Variants in NDUFS6 observed in about 807,000 individuals in gnomAD.
NDUFS6 encodes the protein NADH:ubiquinone oxidoreductase subunit S6, also known as NADH dehydrogenase [ubiquinone] iron-sulfur protein 6, mitochondrial.
NDUFS6 carries 14 observed loss-of-function variants against 13.2 expected under a neutral mutation model. The observed-to-expected ratio is 1.06, with a 90% confidence interval of 0.70 to 1.66. The LOEUF is 1.66. Ranked by LOEUF, NDUFS6 falls within the 40% of genes most tolerant of loss-of-function variation. The probability of loss-of-function intolerance (pLI) is 0.00; values close to 1 mark genes in which losing one functional copy is unlikely to be tolerated. For missense variants in NDUFS6, 206 were observed against 170.8 expected, an observed-to-expected ratio of 1.21 and a Z score of -1.15; for synonymous variants, 95 against 72.3, an observed-to-expected ratio of 1.31 and a Z score of -1.60.
intron 2 of NDUFS6, among the ~76,000 whole-genome samples, chr5:1,810,080 C>T (rs2087388088): frequency 6.6e-6 from 1 of 151,540 alleles, no homozygotes; most frequent in African/African-American, 2.4e-5. Context: ...CCTCCCACTG[C>T]GTGTGTGTTC....
chr5:1,813,841 T>C (rs1468615634), intron 2 of NDUFS6, among the ~76,000 whole-genome samples: 1 of 152,226 alleles, frequency 6.6e-6, no homozygotes, highest in African/African-American at 2.4e-5. Context: ...ATTGTTGGTC[T>C]AACGGATTGC....
Position 1,815,894 on chromosome 5 carries a change from A to T in NDUFS6, c.353A>T (p.Gln118Leu). The change falls in exon 4 of 4, where the codon CAG (glutamine) becomes CTG (leucine). Residue 118 changes from glutamine (Q) to leucine (L), a missense_variant. Gln to Leu is a moderately radical substitution (Grantham distance 113). Transcript: ENST00000274137. ...GGCACATGCGGTTACTGTGGGCTCCAGTTCAGACAGCACCACCACTAGAGC... is the reference window on the plus strand; with the variant it reads ...GGCACATGCGGTTACTGTGGGCTCCTGTTCAGACAGCACCACCACTAGAGC... ...KTGTCGYCGL[Q>L]FRQHHH is the part of the protein sequence containing the mutation. 6.2e-7 allele frequency: 1 copy of T among 1,614,256 alleles called. No individual in the cohort carries two copies. Among genetic ancestry groups the T allele is most frequent in the Admixed American group, 1.7e-5 (1 of 60,032 alleles).
rs1370151263 is a variant in NDUFS6, at chr5:1,814,546, T to C, written c.309+85T>C. ...TCACTCCCAGTGCCTGTTCTTTCTG[T>C]CCTCTTCTCTACCTGCTCCCGAGGC... On this transcript the variant is annotated intron_variant, in intron 3 of 3. Coordinates refer to ENST00000274137, the MANE Select transcript of NDUFS6 (RefSeq NM_004553.6). This position sits in a 1 kb window ranked among gnomAD's most constrained non-coding sequence, Gnocchi z 4.9. 4.4e-6 allele frequency: 7 copies of C among 1,600,174 alleles called. No individual in the cohort carries two copies. Among genetic ancestry groups the C allele is most frequent in the Non-Finnish European group, 6.0e-6 (7 of 1,171,258 alleles).
intron 2 of NDUFS6, among the ~76,000 whole-genome samples, chr5:1,811,382 A>G (rs1734217523): frequency 1.3e-5 from 2 of 152,262 alleles, no homozygotes; most frequent in East Asian, 1.9e-4. Context: ...AACAAAATAT[A>G]TTAACATGAC....
intron 2 of NDUFS6, among the ~76,000 whole-genome samples, chr5:1,807,207 G>C (rs1243857049): frequency 5.3e-5 from 1 of 18,766 alleles, no homozygotes; most frequent in Non-Finnish European, 1.2e-4. Flanking sequence ...TGTGAACACT[G>C]TGTGATTCCT....
At chr5:1,801,654 C>G (rs1047738738) in intron 1 of NDUFS6, 105 bp downstream of exon 1, 1 of 1,469,976 alleles carries the variant, frequency 6.8e-7, no homozygotes. Flanking sequence ...GCGCCGGCAG[C>G]GCAGGTCGTG....
chr5:1,805,866 T>G (rs571488294), intron 2 of NDUFS6, among the ~76,000 whole-genome samples: 238 of 152,328 alleles, frequency 1.6e-3, no homozygotes, highest in Admixed American at 2.6e-3. Flanking sequence ...GGGGCTGCCC[T>G]GCCTGGCCGC....
intron 2 of NDUFS6, among the ~76,000 whole-genome samples, chr5:1,809,000 C>A (rs536340962): frequency 6.6e-6 from 1 of 152,126 alleles, no homozygotes; most frequent in Non-Finnish European, 1.5e-5. Context: ...TTCCCTTCTG[C>A]GTTGGTTTTG....
intron 2 of NDUFS6, among the ~76,000 whole-genome samples, chr5:1,813,786 C>T (rs191083737): frequency 1.3e-5 from 2 of 152,332 alleles, no homozygotes; most frequent in Admixed American, 1.3e-4. Context: ...AACAACCTAA[C>T]CGGCATTCAG....
intron 2 of NDUFS6, among the ~76,000 whole-genome samples, chr5:1,808,133 G>T (rs1011572179): frequency 1.3e-5 from 2 of 152,206 alleles, no homozygotes; most frequent in Non-Finnish European, 2.9e-5. Context: ...CAGAGGTGGA[G>T]CTCTGTGCTT....
chr5:1,807,002 G>C (rs1402975934), intron 2 of NDUFS6, among the ~76,000 whole-genome samples: 3 of 152,144 alleles, frequency 2.0e-5, no homozygotes, highest in African/African-American at 7.2e-5. Context: ...CCACAACACG[G>C]ATAAGCCTGG....
rs1261905741 is a variant in NDUFS6 at position 1,801,446 on chromosome 5, T to C, written c.29T>C (p.Leu10Pro). The change falls in exon 1 of 4, where the codon CTG becomes CCG. Residue 10 changes from leucine (L) to proline (P), a missense_variant. Coordinates refer to ENST00000274137, the MANE Select transcript of NDUFS6 (RefSeq NM_004553.6). MAAAMTFCR[L>P]LNRCGEAARS... ...GCGGCGGCGATGACCTTCTGCCGGC[T>C]GCTGAACCGGTGTGGCGAGGCGGCG... 2 of 1,605,242 alleles carry C rather than the reference T, an allele frequency of 1.2e-6. No individual in the cohort carries two copies. The highest frequency in any genetic ancestry group is 1.7e-6 in the Non-Finnish European group (2 of 1,178,636).
chr5:1,813,745 C>T (rs1040982571), intron 2 of NDUFS6, among the ~76,000 whole-genome samples: 1 of 152,190 alleles, frequency 6.6e-6, no homozygotes, highest in Non-Finnish European at 1.5e-5. Flanking sequence ...ACCCAGTGTA[C>T]GGTAGCAGCA....
At chr5:1,807,488 G>T (rs971402033) in intron 2 of NDUFS6, among the ~76,000 whole-genome samples, 1 of 152,180 alleles carries the variant, frequency 6.6e-6, no homozygotes, top group Non-Finnish European at 1.5e-5. Context: ...TCAGGCCCAC[G>T]CAGGAATTGA....
intron 2 of NDUFS6, among the ~76,000 whole-genome samples, chr5:1,811,470 A>C (rs1382280227): frequency 1.3e-5 from 2 of 152,236 alleles, no homozygotes; most frequent in Non-Finnish European, 2.9e-5. Context: ...ATTCTTGATC[A>C]TGCATGTTTT....
chr5:1,815,285 G>T (rs1000723574), intron 3 of NDUFS6, among the ~76,000 whole-genome samples: 1 of 152,124 alleles, frequency 6.6e-6, no homozygotes. Flanking sequence ...TGCAGGGAGA[G>T]GGGGAGGCCA....
chr5:1,814,453 A>G lies in NDUFS6; in HGVS notation c.301A>G (p.Ile101Val). The part of the protein sequence containing the change: ...GGALGHPKVY[I>V]NLDKETKTGT... ...AGCTCTTGGCCACCCAAAAGTGTAT[A>G]TAAACTTGGTGCGTAGCTGGCCACC... The change falls in exon 3 of 4, where the codon ATA becomes GTA. Residue 101 changes from isoleucine to valine, a missense_variant. Coordinates refer to ENST00000274137, the MANE Select transcript of NDUFS6 (RefSeq NM_004553.6). The surrounding 1 kb of genome is among the most constrained non-coding windows in gnomAD (Gnocchi z 4.9). 1 of 1,614,184 alleles carries G rather than the reference A, an allele frequency of 6.2e-7. No individual in the cohort carries two copies. The highest frequency in any genetic ancestry group is 8.5e-7 in the Non-Finnish European group (1 of 1,180,032).
intron 2 of NDUFS6, among the ~76,000 whole-genome samples, chr5:1,807,903 G>T (rs1055775943): frequency 1.6e-4 from 24 of 152,322 alleles, no homozygotes; most frequent in African/African-American, 5.8e-4. Flanking sequence ...GACTTGGGGG[G>T]CAGGAGGAAG....
chr5:1,807,077 G>A, intron 2 of NDUFS6, among the ~76,000 whole-genome samples: 1 of 87,152 alleles, frequency 1.1e-5, no homozygotes, highest in East Asian at 4.1e-4. Flanking sequence ...TCTAACACGA[G>A]GGACCAGAAC....
Sources: allele counts gnomAD v4.1 joint callset (sites outside exome capture counted in the v4.1 genomes callset), GRCh38; gene constraint gnomAD v4.1.1; non-coding constraint Gnocchi (gnomAD v3.1); transcripts MANE v1.5; gene names NCBI Gene and HGNC (gene_info 2026-07-23, HGNC 2026-07-21).